The following TRIM5 variants were observed in gnomAD, a reference collection of about 807,000 sequenced individuals.
TRIM5 encodes the protein tripartite motif-containing protein 5.
In TRIM5, 31 loss-of-function variants were observed where a neutral mutation model predicts 35.6. The ratio of observed to expected loss-of-function variants is 0.87; its 90% CI spans 0.65 to 1.18. TRIM5 has a LOEUF of 1.18. Ranked by LOEUF, TRIM5 falls within the 50% of genes most tolerant of loss-of-function variation. TRIM5 has a pLI of 0.00. For synonymous variants in TRIM5, 243 were observed against 215.6 expected, an observed-to-expected ratio of 1.13 and a Z score of -1.11; for missense variants, 609 against 591.6, an observed-to-expected ratio of 1.03 and a Z score of -0.31.
chr11:5,647,218 A>G, the TRIM5 span, among the ~76,000 whole-genome samples: 1 of 152,180 alleles, frequency 6.6e-6, no homozygotes, highest in Non-Finnish European at 1.5e-5. Context: ...TGAATACCAA[A>G]CTAATAGTGG....
chr11:5,632,819 AT>A, the TRIM5 span: 1 of 1,280,562 alleles, frequency 7.8e-7, no homozygotes, highest in Non-Finnish European at 1.0e-6. Context: ...TCACCTTTTC[AT>A]CCTTTTTTTT....
the TRIM5 span, among the ~76,000 whole-genome samples, chr11:5,640,960 A>G: frequency 6.6e-6 from 1 of 150,922 alleles, no homozygotes. Context: ...AATCCTTTTA[A>G]TTTCCTTAAG....
rs1177761482 is a variant in TRIM5 at position 5,663,548 on chromosome 11, A to T, written c.*1261T>A. The T allele has an allele frequency of 1.0e-6, 1 of 972,204 alleles. No individual in the cohort carries two copies. The highest frequency in any genetic ancestry group is 1.1e-4 in the East Asian group (1 of 8,770). The allele number at this position is 972,204 out of a possible 1,614,324, so 60.2% of individuals were successfully genotyped here. A position where few individuals can be genotyped will look rare whatever the true frequency, so the allele number is the denominator to read the frequency against. On this transcript the variant is annotated 3_prime_UTR_variant, in exon 8 of 8. Transcript: ENST00000380034. ...TAGAACAAGTACTTATTAGATCAAG[A>T]CACTTAGATAGATGCTTTATACTTC...
chr11:5,666,378 T>TA (rs397738949), intron 5 of TRIM5: 6,042 of 180,578 alleles, frequency 0.033, 101 homozygotes, highest in African/African-American at 0.075. Context: ...TCATAGGACA[T>TA]AAAAAAAAAA....
rs752883809 is a variant in TRIM5 at position 5,679,749 on chromosome 11, C to G, written c.417+12G>C. 6 of 1,558,314 alleles carry G rather than the reference C, an allele frequency of 3.9e-6. No homozygotes were observed. Among genetic ancestry groups the G allele is most frequent in the Non-Finnish European group, 5.2e-6 (6 of 1,150,576 alleles). On this transcript the variant is annotated intron_variant, in intron 2 of 7. Coordinates refer to ENST00000380034, the MANE Select transcript of TRIM5 (RefSeq NM_033034.3). Reference sequence around the variant, plus strand: ...TTTTCTGCCCTCTCTTCCTTCCATCCCAGTCTCTTACTTGGTACTCCCGGG... The same window carrying G: ...TTTTCTGCCCTCTCTTCCTTCCATCGCAGTCTCTTACTTGGTACTCCCGGG...
At chr11:5,667,667 A>C in intron 5 of TRIM5, 22 bp downstream of exon 5, 1 of 1,612,640 alleles carries the variant, frequency 6.2e-7, no homozygotes, top group Non-Finnish European at 8.5e-7. Context: ...CAAAAGGACC[A>C]TCTCTGTCCT....
At chr11:5,670,170 CTTTT>C (rs3060972) in intron 4 of TRIM5, among the ~76,000 whole-genome samples, 1 of 60,210 alleles carries the variant, frequency 1.7e-5, no homozygotes, top group South Asian at 6.7e-4. Flanking sequence ...AGATGCCCAT[CTTTT>C]TTTTTTTTTT....
the TRIM5 span, among the ~76,000 whole-genome samples, chr11:5,599,218 G>A: frequency 6.6e-6 from 1 of 152,108 alleles, no homozygotes; most frequent in Non-Finnish European, 1.5e-5. Context: ...ATTCTTTTCA[G>A]TTTGGGACTA....
At chr11:5,656,205 G>C in the TRIM5 span, among the ~76,000 whole-genome samples, 1 of 151,868 alleles carries the variant, frequency 6.6e-6, no homozygotes, top group African/African-American at 2.4e-5. Context: ...ACTATCATCA[G>C]AGTGAACAGG....
the TRIM5 span, chr11:5,610,841 AG>A: frequency 6.2e-7 from 1 of 1,614,200 alleles, no homozygotes; most frequent in Non-Finnish European, 8.5e-7. Context: ...ACCGGAGACA[AG>A]TGAGGTTTGT....
At chr11:5,658,668 G>A (rs1415542291), downstream of TRIM5, among the ~76,000 whole-genome samples, 1 of 152,186 alleles carries the variant, frequency 6.6e-6, no homozygotes, top group Non-Finnish European at 1.5e-5. Context: ...TTCTAATGTT[G>A]ATCTATGGGT....
chr11:5,629,557 GTGGTACACCCTC>G, the TRIM5 span, among the ~76,000 whole-genome samples: 1 of 152,130 alleles, frequency 6.6e-6, no homozygotes, highest in South Asian at 2.1e-4. Flanking sequence ...CCACTACTCT[GTGGTACACCCTC>G]TGGCTGACCA....
the TRIM5 span, among the ~76,000 whole-genome samples, chr11:5,630,528 C>G: frequency 6.6e-6 from 1 of 152,224 alleles, no homozygotes; most frequent in Non-Finnish European, 1.5e-5. Flanking sequence ...ATCAGCCACA[C>G]ATTTAAAAAC....
chr11:5,592,373 A>T, the TRIM5 span, among the ~76,000 whole-genome samples: 1 of 152,176 alleles, frequency 6.6e-6, no homozygotes, highest in Admixed American at 6.5e-5. Context: ...CAATAACTCT[A>T]TGCAGTAGGT....
At chr11:5,613,371 C>T in the TRIM5 span, among the ~76,000 whole-genome samples, 1 of 152,198 alleles carries the variant, frequency 6.6e-6, no homozygotes, top group Admixed American at 6.5e-5. Flanking sequence ...TATCAAGGCT[C>T]AGCTTGGGTG....
the TRIM5 span, chr11:5,605,360 C>G: frequency 2.5e-6 from 4 of 1,614,020 alleles, no homozygotes; most frequent in South Asian, 1.1e-5. Context: ...CTGAGAGATG[C>G]AGGATCCAGA....
At chr11:5,643,745 G>A in the TRIM5 span, 25 of 1,532,540 alleles carry the variant, frequency 1.6e-5, no homozygotes, top group South Asian at 4.0e-5. Context: ...CCTTTGTCTT[G>A]ACTTATCTCC....
chr11:5,657,599 A>ATTT, the TRIM5 span, among the ~76,000 whole-genome samples: 7 of 90,280 alleles, frequency 7.8e-5, no homozygotes, highest in African/African-American at 4.3e-4. Context: ...CATTATATAT[A>ATTT]ATATATATTT....
the TRIM5 span, among the ~76,000 whole-genome samples, chr11:5,631,301 C>A: frequency 2.3e-3 from 346 of 152,346 alleles, 2 homozygotes; most frequent in Non-Finnish European, 3.9e-3. Context: ...CAATCTACTT[C>A]TTTCAGGCTT....
Sources: gnomAD v4.1 joint callset for allele counts (sites outside exome capture counted in the v4.1 genomes callset) on GRCh38, gnomAD v4.1.1 for gene constraint, MANE v1.5 for transcripts, NCBI Gene and HGNC (gene_info 2026-07-23, HGNC 2026-07-21) for gene names.